Variants in LPIN2 observed in about 807,000 individuals in gnomAD.
The protein encoded by LPIN2 is lipin 2, also known as phosphatidate phosphatase LPIN2.
LPIN2 carries 55 observed loss-of-function variants against 111.4 expected under a neutral mutation model. That is an observed-to-expected ratio of 0.49 (90% CI 0.40 to 0.62). The LOEUF is 0.62. Among genes scored for constraint, LPIN2 ranks in the 20% least tolerant of loss-of-function variants. The pLI, the probability that LPIN2 is intolerant of heterozygous loss-of-function variation, is 0.00. For missense variants in LPIN2, 992 were observed against 1,112.1 expected (o/e 0.89, Z 1.54); for synonymous variants, 425 against 414.0 (o/e 1.03, Z -0.32).
intron 1 of LPIN2, among the ~76,000 whole-genome samples, chr18:3,002,164 C>T (rs962262484): frequency 6.8e-6 from 1 of 147,286 alleles, no homozygotes; most frequent in East Asian, 2.1e-4. Flanking sequence ...GGGGGAAGGT[C>T]CATTTCCATT....
chr18:2,979,745 C>A (rs569596525), intron 1 of LPIN2, among the ~76,000 whole-genome samples: 3 of 152,306 alleles, frequency 2.0e-5, no homozygotes, highest in South Asian at 2.1e-4. Context: ...ACTACTCCCC[C>A]CCAAATTCCT....
chr18:2,924,547 CT>C lies in LPIN2; in HGVS notation c.1939-2del, dbSNP rs745529823. On this transcript the variant is annotated splice_acceptor_variant, in intron 14 of 19. Coordinates refer to ENST00000677752, the MANE Select transcript of LPIN2 (RefSeq NM_001375808.2). LOFTEE classifies it high-confidence loss of function. ...GGCCATCGTGGAGCTTCAGTTTTGCCTTTTAAAAAAGCATAAGAATAAAGAA... is the reference window on the plus strand; with the variant it reads ...GGCCATCGTGGAGCTTCAGTTTTGCCTTTAAAAAAGCATAAGAATAAAGAA... 72 of 1,614,088 alleles carry C rather than the reference CT, an allele frequency of 4.5e-5. No individual in the cohort carries two copies. Among genetic ancestry groups the C allele is most frequent in the Admixed American group, 1.0e-4 (6 of 60,024 alleles).
chr18:2,926,552 GT>G lies in LPIN2; in HGVS notation c.1793+170del, dbSNP rs3841746. On this transcript the variant is annotated intron_variant, in intron 13 of 19. Transcript: ENST00000677752. ...GTATTTATTTTTCTAAGCTGGTGAT[GT>G]TTTTTAGAAAAGCAGTTGTCATCTG... is the stretch of plus-strand genomic sequence containing the variant. 0.32 allele frequency among the ~76,000 whole-genome samples: 48,424 copies of G among 152,080 alleles called. 8,226 individuals carry two copies. The highest frequency in any genetic ancestry group is 0.61 in the East Asian group (3,127 of 5,160).
At chr18:2,975,343 C>CT (rs1470504857) in intron 1 of LPIN2, among the ~76,000 whole-genome samples, 2 of 151,746 alleles carry the variant, frequency 1.3e-5, no homozygotes, top group African/African-American at 2.4e-5. Context: ...AATCTTAAGC[C>CT]TTTTTTTTGA....
intron 1 of LPIN2, among the ~76,000 whole-genome samples, chr18:2,972,613 T>C (rs939466521): frequency 6.6e-6 from 1 of 152,224 alleles, no homozygotes; most frequent in Non-Finnish European, 1.5e-5. Context: ...GAAAAACTAG[T>C]GTTCAATTTT....
chr18:2,998,497 T>C (rs2078378789), intron 1 of LPIN2, among the ~76,000 whole-genome samples: 1 of 152,180 alleles, frequency 6.6e-6, no homozygotes. Context: ...TACCTGCCCT[T>C]GTAGTGGTTA....
Position 2,938,039 on chromosome 18 carries a change from T to A in LPIN2, c.823-2A>T. The A allele has an allele frequency of 6.2e-7, 1 of 1,607,856 alleles. No individual in the cohort carries two copies. The highest frequency in any genetic ancestry group is 8.5e-7 in the Non-Finnish European group (1 of 1,175,234). On this transcript the variant is annotated splice_acceptor_variant, in intron 6 of 19. Coordinates refer to ENST00000677752, the MANE Select transcript of LPIN2 (RefSeq NM_001375808.2). LOFTEE classifies it high-confidence loss of function. ...GTCAGATCGTTCTCTTTTGCTGACC[T>A]AAAAAAGTTAAATTGTTTAAAAATT...
At chr18:2,940,572 T>C in intron 5 of LPIN2, 33 bp downstream of exon 5, 1 of 1,380,608 alleles carries the variant, frequency 7.2e-7, no homozygotes, top group Non-Finnish European at 1.0e-6. Context: ...TCCTTCCTCT[T>C]TCAAGAAACC....
At chr18:3,012,417 T>C (rs2078619743) in intron 1 of LPIN2, among the ~76,000 whole-genome samples, 1 of 152,202 alleles carries the variant, frequency 6.6e-6, no homozygotes, top group African/African-American at 2.4e-5. Context: ...TCCGCTGGCG[T>C]TAGAAGTGGA....
chr18:2,976,235 G>A (rs2078013115), intron 1 of LPIN2, among the ~76,000 whole-genome samples: 1 of 152,154 alleles, frequency 6.6e-6, no homozygotes, highest in South Asian at 2.1e-4. Flanking sequence ...TTAATGCCCT[G>A]GGGTGAAGGT....
chr18:3,002,758 C>T (rs2078452897), intron 1 of LPIN2, among the ~76,000 whole-genome samples: 1 of 152,228 alleles, frequency 6.6e-6, no homozygotes, highest in South Asian at 2.1e-4. Context: ...TAAATTCTCA[C>T]ATTAAAAATA....
rs977294119 is a variant in LPIN2 at position 2,925,160 on chromosome 18, T to C, written c.1938+64A>G. The stretch of plus-strand genomic sequence containing the variant: ...GGGGACGTGTGGACAGAAGAGGATG[T>C]GCATCAAATTAAACCATTACTAAAA... On this transcript the variant is annotated intron_variant, in intron 14 of 19. Transcript: ENST00000677752. This position sits in a 1 kb window ranked among gnomAD's most constrained non-coding sequence, Gnocchi z 4.1. The C allele has an allele frequency of 2.5e-6, 4 of 1,585,424 alleles. No individual in the cohort carries two copies. The highest frequency in any genetic ancestry group is 3.5e-6 in the Non-Finnish European group (4 of 1,154,774).
chr18:2,967,914 G>C (rs1395127811), intron 1 of LPIN2, among the ~76,000 whole-genome samples: 1 of 152,130 alleles, frequency 6.6e-6, no homozygotes, highest in Non-Finnish European at 1.5e-5. Flanking sequence ...AGCCGCACAA[G>C]AACAACCTGG....
At chr18:2,981,552 G>GT (rs1370321741) in intron 1 of LPIN2, among the ~76,000 whole-genome samples, 1 of 152,210 alleles carries the variant, frequency 6.6e-6, no homozygotes, top group Non-Finnish European at 1.5e-5. Flanking sequence ...AATGTTTAAA[G>GT]TATTTCGTAA....
At position 3,007,296 on chromosome 18, in the gene LPIN2, A is replaced by C. The variant is rs563033443; in HGVS notation, c.-10+5791T>G. Among the ~76,000 whole-genome samples the C allele has an allele frequency of 3.4e-3, 518 of 152,116 alleles. 2 individuals are homozygous for C. The highest frequency in any genetic ancestry group is 5.4e-3 in the Non-Finnish European group (365 of 67,960). Reference sequence around the variant, plus strand: ...ATGCCATTCCCCTGCCTCAGCCTCCAGAGTAGCTGGGACTACAGGTGCCCC... The same window carrying C: ...ATGCCATTCCCCTGCCTCAGCCTCCCGAGTAGCTGGGACTACAGGTGCCCC... On this transcript the variant is annotated intron_variant, in intron 1 of 19. Coordinates refer to ENST00000677752, the MANE Select transcript of LPIN2 (RefSeq NM_001375808.2).
At chr18:2,931,574 G>T in intron 8 of LPIN2, 131 bp from the exon 9 acceptor site, 2 of 834,896 alleles carry the variant, frequency 2.4e-6, no homozygotes, top group Non-Finnish European at 3.9e-6. Context: ...CTACAATCAG[G>T]CATAACTTTT....
In LPIN2 at chr18:2,923,449, AT is replaced by A. The variant is rs770814073; in HGVS notation, c.2174+325del. On this transcript the variant is annotated intron_variant, in intron 16 of 19. Coordinates refer to ENST00000677752, the MANE Select transcript of LPIN2 (RefSeq NM_001375808.2). ...AAAAAAAAAAAAAAAAAAAAAAAAAATTTAAAATACCCAGAAAATAAACCAA... is the reference window on the plus strand; with the variant it reads ...AAAAAAAAAAAAAAAAAAAAAAAAAATTAAAATACCCAGAAAATAAACCAA... 8.2e-3 allele frequency among the ~76,000 whole-genome samples: 1,182 copies of A among 143,780 alleles called. 55 individuals are homozygous for A. The highest frequency in any genetic ancestry group is 0.03 in the African/African-American group (1,095 of 36,468). The allele number at this position is 143,780 out of a possible 152,430, so 94.3% of individuals were successfully genotyped here. A position where few individuals can be genotyped will look rare whatever the true frequency, so the allele number is the denominator to read the frequency against.
At chr18:2,920,741 T>C in intron 19 of LPIN2, 37 bp downstream of exon 19, 2 of 1,520,550 alleles carry the variant, frequency 1.3e-6, no homozygotes, top group South Asian at 1.1e-5. Context: ...TACCCCTGGC[T>C]GCAGGGCGCC....
In LPIN2 at chr18:2,937,854, T is replaced by C. The variant is rs1261706838; in HGVS notation, c.1006A>G (p.Met336Val). 2 of 1,614,008 alleles carry C rather than the reference T, an allele frequency of 1.2e-6. No individual in the cohort carries two copies. Among genetic ancestry groups the C allele is most frequent in the African/African-American group, 2.7e-5 (2 of 74,906 alleles). ...TCTGCCACAGATGTTGGGTCGCTCA[T>C]CTGTGTACCCAGGGCTCTGGGTTTG... is the stretch of plus-strand genomic sequence containing the variant. Reference protein sequence around the residue: ...KPKPRALGTQMSDPTSVAELL... With the variant: ...KPKPRALGTQVSDPTSVAELL... Residue 336 changes from methionine (M) to valine (V), a missense_variant, in exon 7 of 20, where the codon ATG becomes GTG. Met to Val is a conservative substitution (Grantham distance 21, BLOSUM62 1). Around this residue, in one of 4 missense-constraint regions of LPIN2, gnomAD observed 709 missense variants for 753.2 expected, o/e 0.94. Transcript: ENST00000677752.
Sources: allele counts gnomAD v4.1 joint callset (sites outside exome capture counted in the v4.1 genomes callset), GRCh38; gene constraint gnomAD v4.1.1; regional missense constraint gnomAD v4.1.1; non-coding constraint Gnocchi (gnomAD v3.1); transcripts MANE v1.5; gene names NCBI Gene and HGNC (gene_info 2026-07-23, HGNC 2026-07-21).